CCDC178: variants seen among roughly 807,000 people sequenced by gnomAD.
The protein encoded by CCDC178 is coiled-coil domain-containing protein 178.
In CCDC178, 126 loss-of-function variants were observed where a neutral mutation model predicts 117.4. The ratio of observed to expected loss-of-function variants is 1.07; its 90% CI spans 0.93 to 1.24. The LOEUF is 1.24. Ranked by LOEUF, CCDC178 falls within the 50% of genes most tolerant of loss-of-function variation. The probability of loss-of-function intolerance (pLI) is 0.00; values close to 1 mark genes in which losing one functional copy is unlikely to be tolerated. For missense variants in CCDC178, 1,030 were observed against 986.9 expected, an observed-to-expected ratio of 1.04 and a Z score of -0.59; for synonymous variants, 283 against 313.4, an observed-to-expected ratio of 0.90 and a Z score of 1.02.
chr18:33,357,879 T>C (rs1035082922), intron 6 of CCDC178, among the ~76,000 whole-genome samples: 1 of 151,870 alleles, frequency 6.6e-6, no homozygotes, highest in African/African-American at 2.4e-5. Flanking sequence ...CATTAATATA[T>C]ACATATATAG....
At chr18:33,245,905 A>T (rs2059544257) in intron 14 of CCDC178, among the ~76,000 whole-genome samples, 2 of 152,002 alleles carry the variant, frequency 1.3e-5, no homozygotes, top group African/African-American at 2.4e-5. Context: ...ATTGTAAGTA[A>T]GATATTTTGC....
intron 19 of CCDC178, among the ~76,000 whole-genome samples, chr18:33,214,998 A>G (rs1318702359): frequency 6.6e-6 from 1 of 152,004 alleles, no homozygotes; most frequent in Non-Finnish European, 1.5e-5. Flanking sequence ...GGAAGAGTAA[A>G]TAAGTTTTAG....
intron 22 of CCDC178, among the ~76,000 whole-genome samples, chr18:32,952,403 A>C (rs1364082676): frequency 6.6e-6 from 1 of 152,228 alleles, no homozygotes; most frequent in Non-Finnish European, 1.5e-5. Flanking sequence ...CACCATGTGT[A>C]GGCCACCAAG....
intron 22 of CCDC178, among the ~76,000 whole-genome samples, chr18:32,961,914 T>C (rs2054712386): frequency 6.6e-6 from 1 of 152,116 alleles, no homozygotes; most frequent in Non-Finnish European, 1.5e-5. Context: ...TTTGATATAA[T>C]TTTTGATGTG....
chr18:33,244,613 C>G (rs796314905), intron 15 of CCDC178, among the ~76,000 whole-genome samples: 34 of 151,944 alleles, frequency 2.2e-4, no homozygotes, highest in African/African-American at 8.2e-4. Flanking sequence ...TTTACTGAGG[C>G]CTCCCCAGCC....
intron 21 of CCDC178, among the ~76,000 whole-genome samples, chr18:32,994,296 A>T (rs1055079915): frequency 2.0e-5 from 3 of 152,218 alleles, no homozygotes; most frequent in African/African-American, 7.2e-5. Context: ...ACATAAGTGC[A>T]TATTTCACAA....
Position 33,376,958 on chromosome 18 carries a change from T to C in CCDC178, c.209-6769A>G, listed in dbSNP as rs118054956. On this transcript the variant is annotated intron_variant, in intron 5 of 22. Coordinates refer to ENST00000383096, the MANE Select transcript of CCDC178 (RefSeq NM_001105528.4). Reference sequence around the variant, plus strand: ...GTAGAATGATTTATTTTCTTTTGGATATATATCCAGCAACAGGATTGCTGG... The same window carrying C: ...GTAGAATGATTTATTTTCTTTTGGACATATATCCAGCAACAGGATTGCTGG... 5.5e-3 allele frequency among the ~76,000 whole-genome samples: 835 copies of C among 152,320 alleles called. 2 individuals are homozygous for C. The highest frequency in any genetic ancestry group is 9.0e-3 in the Non-Finnish European group (612 of 68,032).
intron 10 of CCDC178, 105 bp downstream of exon 10, chr18:33,333,069 G>GAAAAA: frequency 3.8e-6 from 2 of 522,168 alleles, no homozygotes; most frequent in South Asian, 6.1e-5. Context: ...TCAATTTTAA[G>GAAAAA]AAAAAAAAAA....
At chr18:33,415,531 T>A (rs1235449092) in intron 2 of CCDC178, among the ~76,000 whole-genome samples, 1 of 138,964 alleles carries the variant, frequency 7.2e-6, no homozygotes, top group Admixed American at 7.6e-5. Context: ...AAGGGGGACA[T>A]CACACATCAG....
chr18:33,233,561 T>C (rs1568075922), intron 15 of CCDC178, among the ~76,000 whole-genome samples: 3 of 152,138 alleles, frequency 2.0e-5, no homozygotes, highest in East Asian at 1.9e-4. Flanking sequence ...GAGTAAAATA[T>C]GTAGGTAAGT....
At chr18:33,164,405 C>T (rs994436562) in intron 20 of CCDC178, among the ~76,000 whole-genome samples, 2 of 152,020 alleles carry the variant, frequency 1.3e-5, no homozygotes, top group African/African-American at 4.8e-5. Context: ...TGAGACACTG[C>T]ACCCTAACCA....
At chr18:33,027,003 T>C (rs907318210) in intron 21 of CCDC178, among the ~76,000 whole-genome samples, 5 of 151,830 alleles carry the variant, frequency 3.3e-5, no homozygotes, top group African/African-American at 1.2e-4. Context: ...AAATATAAAG[T>C]AATACTAACT....
In CCDC178 at chr18:33,325,863, A is replaced by G. The variant is rs74718566; in HGVS notation, c.880-2230T>C. On this transcript the variant is annotated intron_variant, in intron 10 of 22. Coordinates refer to ENST00000383096, the MANE Select transcript of CCDC178 (RefSeq NM_001105528.4). ...AGTACAACTTATATAGTATAGAATG[A>G]GACAAGTTAAAGTGTACAATTCAGT... is the stretch of plus-strand genomic sequence containing the variant. Among the ~76,000 whole-genome samples the G allele has an allele frequency of 6.5e-3, 994 of 152,336 alleles. 15 individuals carry two copies. Among genetic ancestry groups the G allele is most frequent in the African/African-American group, 0.022 (923 of 41,574 alleles).
At chr18:33,164,846 G>C (rs2058509938) in intron 20 of CCDC178, among the ~76,000 whole-genome samples, 1 of 152,132 alleles carries the variant, frequency 6.6e-6, no homozygotes, top group African/African-American at 2.4e-5. Context: ...GCAAGAGGTA[G>C]TTTTTGAAAT....
At chr18:33,171,044 T>G (rs1018224579) in intron 20 of CCDC178, among the ~76,000 whole-genome samples, 1 of 152,246 alleles carries the variant, frequency 6.6e-6, no homozygotes, top group African/African-American at 2.4e-5. Flanking sequence ...AGAGAATCTG[T>G]TTTTGCTTTT....
intron 20 of CCDC178, among the ~76,000 whole-genome samples, chr18:33,206,824 AT>A (rs1364257731): frequency 6.6e-6 from 1 of 152,210 alleles, no homozygotes; most frequent in East Asian, 1.9e-4. Context: ...AGCAAAGGTA[AT>A]GTCTTCCTCC....
At chr18:33,118,442 T>G (rs981534870) in intron 20 of CCDC178, among the ~76,000 whole-genome samples, 2 of 151,946 alleles carry the variant, frequency 1.3e-5, no homozygotes, top group African/African-American at 4.8e-5. Flanking sequence ...AAGTTTTGCT[T>G]CCCATTCTCA....
intron 10 of CCDC178, among the ~76,000 whole-genome samples, chr18:33,331,089 G>A (rs1432684617): frequency 1.8e-5 from 2 of 109,704 alleles, no homozygotes; most frequent in Non-Finnish European, 3.3e-5. Context: ...CCATTCACAA[G>A]CCTGATCTTC....
intron 21 of CCDC178, among the ~76,000 whole-genome samples, chr18:32,981,722 C>T (rs1000332609): frequency 2.0e-5 from 3 of 152,090 alleles, no homozygotes; most frequent in Non-Finnish European, 4.4e-5. Context: ...TATATACCCA[C>T]TAAATGTGAT....
Sources: gnomAD v4.1 joint callset for allele counts (sites outside exome capture counted in the v4.1 genomes callset) on GRCh38, gnomAD v4.1.1 for gene constraint, MANE v1.5 for transcripts, NCBI Gene and HGNC (gene_info 2026-07-23, HGNC 2026-07-21) for gene names.